Variants in TMEM51 observed in about 807,000 individuals in gnomAD.
TMEM51 encodes transmembrane protein 51.
A neutral mutation model predicts 13.6 loss-of-function variants in TMEM51; 8 were observed. The ratio of observed to expected loss-of-function variants is 0.59; its 90% CI spans 0.35 to 1.07. The LOEUF is 1.07. Ranked by LOEUF, TMEM51 falls within the 50% of genes least tolerant of loss-of-function variation. The pLI is 0.02. For missense variants in TMEM51, 279 were observed against 330.7 expected, an observed-to-expected ratio of 0.84 and a Z score of 1.21; for synonymous variants, 147 against 144.4, an observed-to-expected ratio of 1.02 and a Z score of -0.13.
intron 1 of TMEM51, among the ~76,000 whole-genome samples, chr1:15,198,875 C>T (rs1644100655): frequency 6.6e-6 from 1 of 152,346 alleles, no homozygotes; most frequent in South Asian, 2.1e-4. Flanking sequence ...TGACATCTCA[C>T]CTTGGCCAGA....
Position 15,161,738 on chromosome 1 carries a change from G to C in TMEM51, c.-267+7784G>C, listed in dbSNP as rs1642787483. ...CAGATCACGAGATCGAGACCATCCT[G>C]GCCAACATGGTGAAACCCAGTCTTT... On this transcript the variant is annotated intron_variant, in intron 1 of 3. Transcript: ENST00000376008. This position sits in a 1 kb window ranked among gnomAD's most constrained non-coding sequence, Gnocchi z 4.0. 6.6e-6 allele frequency among the ~76,000 whole-genome samples: 1 copy of C among 151,824 alleles called. No homozygotes were observed. Among genetic ancestry groups the C allele is most frequent in the Non-Finnish European group, 1.5e-5 (1 of 68,014 alleles).
intron 1 of TMEM51, among the ~76,000 whole-genome samples, chr1:15,201,090 A>C (rs1026697458): frequency 6.6e-6 from 1 of 152,124 alleles, no homozygotes; most frequent in Admixed American, 6.6e-5. Flanking sequence ...AAAACTAATC[A>C]CTCGGAGTGA....
At chr1:15,167,513 G>A (rs1227389382) in intron 1 of TMEM51, among the ~76,000 whole-genome samples, 1 of 152,082 alleles carries the variant, frequency 6.6e-6, no homozygotes, top group Non-Finnish European at 1.5e-5. Context: ...AGAGGTTTTA[G>A]TATCAACATA....
At chr1:15,200,031 G>A (rs910816593) in intron 1 of TMEM51, among the ~76,000 whole-genome samples, 3 of 152,110 alleles carry the variant, frequency 2.0e-5, no homozygotes, top group Non-Finnish European at 4.4e-5. Context: ...AATGTGGGCT[G>A]GATTGCGTCC....
In TMEM51 at chr1:15,187,889, C is replaced by G. The variant is rs543706643; in HGVS notation, c.-266-22601C>G. 2.6e-5 allele frequency among the ~76,000 whole-genome samples: 4 copies of G among 152,292 alleles called. No homozygotes were observed. The South Asian group carries it at 8.3e-4, about 32-fold the overall frequency. On this transcript the variant is annotated intron_variant, in intron 1 of 3. Transcript: ENST00000376008. ...CCCTCAGAGCCTGACTCTCAGCCCC[C>G]ATTCCTGAGCCCCCACTTTGCAGCT...
chr1:15,154,211 C>A (rs1642506650), intron 1 of TMEM51, among the ~76,000 whole-genome samples: 1 of 152,194 alleles, frequency 6.6e-6, no homozygotes, highest in African/African-American at 2.4e-5. Flanking sequence ...GGGAAGGCAG[C>A]TGGCCTTGGG....
intron 1 of TMEM51, among the ~76,000 whole-genome samples, chr1:15,165,438 T>C (rs1439805197): frequency 6.6e-6 from 1 of 152,214 alleles, no homozygotes; most frequent in African/African-American, 2.4e-5. Flanking sequence ...CTAAAATGTT[T>C]TAAAAGTTTT....
intron 1 of TMEM51, among the ~76,000 whole-genome samples, chr1:15,163,104 G>T (rs556216729): frequency 6.6e-6 from 1 of 152,084 alleles, no homozygotes; most frequent in African/African-American, 2.4e-5. Flanking sequence ...CCATATCATT[G>T]CGTTCTCTCT....
intron 2 of TMEM51, among the ~76,000 whole-genome samples, chr1:15,211,218 C>G (rs942916021): frequency 2.0e-5 from 3 of 152,128 alleles, no homozygotes; most frequent in Non-Finnish European, 4.4e-5. Context: ...TTTCCGCCAC[C>G]TTGCCCTCCC....
intron 1 of TMEM51, among the ~76,000 whole-genome samples, chr1:15,160,474 A>T (rs1300107757): frequency 6.6e-6 from 1 of 151,980 alleles, no homozygotes; most frequent in Non-Finnish European, 1.5e-5. Context: ...GGGTTTCACC[A>T]TGTTGGCCAA....
At position 15,215,296 on chromosome 1, in the gene TMEM51, TCGGGGC is replaced by T. The variant is rs772774559; in HGVS notation, c.215_220del (p.Ala72_Gly73del). The T allele has an allele frequency of 6.2e-7, 1 of 1,614,178 alleles. No individual in the cohort carries two copies. The highest frequency in any genetic ancestry group is 2.2e-5 in the East Asian group (1 of 44,866). ...ACCTTCTCTGTGGCCTACGTGCTGG[TCGGGGC>T]CGGGGTGATGCTGCTGCTGCTTTCT... On this transcript the variant is annotated inframe_deletion, in exon 3 of 4. Transcript: ENST00000376008.
chr1:15,206,120 C>G (rs981314823), intron 1 of TMEM51, among the ~76,000 whole-genome samples: 12 of 151,796 alleles, frequency 7.9e-5, no homozygotes, highest in African/African-American at 2.7e-4. Context: ...GCCTGTAGTC[C>G]CAGCTCCTCG....
chr1:15,159,019 T>C (rs930085934), intron 1 of TMEM51, among the ~76,000 whole-genome samples: 1 of 152,186 alleles, frequency 6.6e-6, no homozygotes, highest in Non-Finnish European at 1.5e-5. Context: ...TTGCGCAATG[T>C]AGCTCCGGTT....
At chr1:15,211,968 T>C (rs1249605275) in intron 2 of TMEM51, among the ~76,000 whole-genome samples, 1 of 152,180 alleles carries the variant, frequency 6.6e-6, no homozygotes, top group Non-Finnish European at 1.5e-5. Flanking sequence ...AGAATCACGC[T>C]GAACACACTG....
At chr1:15,156,983 T>G (rs1420634881) in intron 1 of TMEM51, among the ~76,000 whole-genome samples, 1 of 152,192 alleles carries the variant, frequency 6.6e-6, no homozygotes, top group Admixed American at 6.5e-5. Context: ...CCCCTGCCAA[T>G]GTTTTATTCT....
At chr1:15,174,951 C>T (rs1232912428) in intron 1 of TMEM51, among the ~76,000 whole-genome samples, 3 of 152,188 alleles carry the variant, frequency 2.0e-5, no homozygotes, top group Admixed American at 1.3e-4. Context: ...GGAGTTAGAG[C>T]TTCATATGAA....
intron 1 of TMEM51, among the ~76,000 whole-genome samples, chr1:15,209,320 C>CTGTTTTGCAAAAGT (rs1644301015): frequency 6.6e-6 from 1 of 151,868 alleles, no homozygotes; most frequent in African/African-American, 2.4e-5. Flanking sequence ...TAGTCTCGAA[C>CTGTTTTGCAAAAGT]TCCTGAGCTC....
intron 1 of TMEM51, among the ~76,000 whole-genome samples, chr1:15,198,060 G>A (rs1644086256): frequency 1.3e-5 from 2 of 151,930 alleles, no homozygotes; most frequent in South Asian, 4.2e-4. Context: ...GCAGCACCGT[G>A]ATCCTCAGGG....
chr1:15,185,869 C>T (rs1387264996), intron 1 of TMEM51, among the ~76,000 whole-genome samples: 1 of 152,230 alleles, frequency 6.6e-6, no homozygotes, highest in Non-Finnish European at 1.5e-5. Flanking sequence ...AGCCTGTGGC[C>T]ATCCTCCTAT....
Sources: allele counts gnomAD v4.1 joint callset (sites outside exome capture counted in the v4.1 genomes callset), GRCh38; gene constraint gnomAD v4.1.1; non-coding constraint Gnocchi (gnomAD v3.1); transcripts MANE v1.5; gene names NCBI Gene and HGNC (gene_info 2026-07-23, HGNC 2026-07-21).